The following PCDH15 variants were observed in gnomAD, a reference collection of about 807,000 sequenced individuals.
PCDH15 encodes protocadherin related 15.
Under a neutral mutation model 178.5 loss-of-function variants are expected in PCDH15, and 129 were observed. The observed-to-expected ratio is 0.72, with a 90% CI of 0.63 to 0.84. The LOEUF (loss-of-function observed/expected upper bound fraction) is 0.84. Among genes scored for constraint, PCDH15 ranks in the 40% least tolerant of loss-of-function variants. The pLI is 0.00. For missense variants in PCDH15, 2,230 were observed against 2,099.9 expected, an observed-to-expected ratio of 1.06 and a Z score of -1.21; for synonymous variants, 800 against 732.0, an observed-to-expected ratio of 1.09 and a Z score of -1.50.
intron 18 of PCDH15, among the ~76,000 whole-genome samples, chr10:54,046,930 C>A (rs1335668202): frequency 6.6e-6 from 1 of 151,824 alleles, no homozygotes; most frequent in East Asian, 1.9e-4. Flanking sequence ...ATAAAGTCCA[C>A]GTAAGTAATT....
intron 2 of PCDH15, among the ~76,000 whole-genome samples, chr10:54,954,611 C>T (rs1838434003): frequency 6.6e-6 from 1 of 151,182 alleles, no homozygotes; most frequent in Non-Finnish European, 1.5e-5. Flanking sequence ...GTCTGATTTA[C>T]AAGTCAATGT....
intron 2 of PCDH15, among the ~76,000 whole-genome samples, chr10:55,358,132 A>C (rs1845125874): frequency 6.6e-6 from 1 of 152,106 alleles, no homozygotes; most frequent in Non-Finnish European, 1.5e-5. Context: ...TGTAAATTAT[A>C]AGTTACGCAT....
At chr10:54,496,859 C>A (rs962329591) in intron 3 of PCDH15, among the ~76,000 whole-genome samples, 3 of 152,128 alleles carry the variant, frequency 2.0e-5, no homozygotes, top group African/African-American at 7.2e-5. Context: ...AGCTTACGAC[C>A]ACCCTTGTTG....
chr10:55,406,478 T>C (rs978368900), intron 2 of PCDH15, among the ~76,000 whole-genome samples: 5 of 152,040 alleles, frequency 3.3e-5, no homozygotes, highest in African/African-American at 1.2e-4. Flanking sequence ...TAGTTACATA[T>C]GAGAGACAAA....
At chr10:55,043,941 A>G (rs142167478) in intron 2 of PCDH15, among the ~76,000 whole-genome samples, 1 of 152,094 alleles carries the variant, frequency 6.6e-6, no homozygotes, top group Non-Finnish European at 1.5e-5. Context: ...CAAAGATTGA[A>G]CGGTAAAAAG....
At chr10:54,059,473 T>C (rs996059797) in intron 18 of PCDH15, among the ~76,000 whole-genome samples, 2 of 152,180 alleles carry the variant, frequency 1.3e-5, no homozygotes, top group African/African-American at 4.8e-5. Flanking sequence ...CTCTAACACA[T>C]AATATTTCTT....
chr10:54,512,359 T>TTGTGTGTGTGTGTG (rs200575121), intron 3 of PCDH15, among the ~76,000 whole-genome samples: 1,915 of 134,100 alleles, frequency 0.014, 39 homozygotes, highest in Middle Eastern at 0.049. Flanking sequence ...ATTTCTGGCA[T>TTGTGTGTGTGTGTG]TGTGTGTGTG....
chr10:55,010,948 G>C (rs1489578489), intron 2 of PCDH15, among the ~76,000 whole-genome samples: 3 of 151,860 alleles, frequency 2.0e-5, no homozygotes, highest in Admixed American at 1.3e-4. Context: ...TAAAACAAAA[G>C]CCAGAAATAC....
intron 1 of PCDH15, among the ~76,000 whole-genome samples, chr10:55,314,444 C>G (rs922301813): frequency 6.6e-6 from 1 of 151,860 alleles, no homozygotes; most frequent in Non-Finnish European, 1.5e-5. Flanking sequence ...AACCCTGGCT[C>G]TCATCATAAT....
intron 2 of PCDH15, among the ~76,000 whole-genome samples, chr10:54,916,529 T>C (rs1465167356): frequency 6.6e-6 from 1 of 152,196 alleles, no homozygotes; most frequent in Non-Finnish European, 1.5e-5. Context: ...TGGGGTGATT[T>C]GTTTAAAACA....
intron 3 of PCDH15, among the ~76,000 whole-genome samples, chr10:54,396,157 G>A (rs184690353): frequency 5.3e-5 from 8 of 152,248 alleles, no homozygotes; most frequent in East Asian, 1.9e-4. Flanking sequence ...AGACTGTTAT[G>A]GGCCTGGAGA....
At chr10:55,323,631 G>A (rs1345021523), upstream of PCDH15, among the ~76,000 whole-genome samples, 4 of 152,076 alleles carry the variant, frequency 2.6e-5, no homozygotes, top group Admixed American at 6.5e-5. Flanking sequence ...CCTTTGTTTA[G>A]GCCAATTTCT....
intron 27 of PCDH15, among the ~76,000 whole-genome samples, chr10:53,862,399 G>T (rs189404885): frequency 1.3e-5 from 2 of 152,058 alleles, no homozygotes; most frequent in East Asian, 3.9e-4. Context: ...TTAACATCCT[G>T]CATTGGCCAC....
At chr10:54,060,878 A>G (rs4615929) in intron 18 of PCDH15, among the ~76,000 whole-genome samples, 93,775 of 151,860 alleles carry the variant, frequency 0.62, 29,283 homozygotes, top group Middle Eastern at 0.77. Context: ...GAAGTCCGGG[A>G]TCCCTGTGTG....
At chr10:54,327,556 T>C (rs1178017838) in intron 7 of PCDH15, among the ~76,000 whole-genome samples, 10 of 151,902 alleles carry the variant, frequency 6.6e-5, no homozygotes, top group African/African-American at 2.2e-4. Flanking sequence ...CATATTTCTA[T>C]CTACATATCC....
intron 2 of PCDH15, among the ~76,000 whole-genome samples, chr10:55,426,177 T>C (rs949580317): frequency 6.6e-6 from 1 of 152,200 alleles, no homozygotes; most frequent in Non-Finnish European, 1.5e-5. Flanking sequence ...AGTACATGTT[T>C]ATACTTAGTT....
chr10:55,005,251 T>TGTATTTTTAA (rs1564708167), intron 2 of PCDH15, among the ~76,000 whole-genome samples: 1 of 86,470 alleles, frequency 1.2e-5, no homozygotes, highest in Admixed American at 1.2e-4. Context: ...TTGGTAGAAT[T>TGTATTTTTAA]GTATTTTTAT....
intron 10 of PCDH15, among the ~76,000 whole-genome samples, chr10:54,208,309 A>C (rs1400601396): frequency 2.0e-5 from 3 of 152,042 alleles, no homozygotes; most frequent in African/African-American, 7.2e-5. Flanking sequence ...AGATAAACTT[A>C]TTATATTATT....
intron 2 of PCDH15, among the ~76,000 whole-genome samples, chr10:54,600,992 AAC>A (rs1236234459): frequency 8.5e-5 from 13 of 152,120 alleles, no homozygotes; most frequent in Non-Finnish European, 1.5e-4. Flanking sequence ...CAATAAATGA[AAC>A]ACAGAACTCT....
Sources: allele counts gnomAD v4.1 joint callset (sites outside exome capture counted in the v4.1 genomes callset), GRCh38; gene constraint gnomAD v4.1.1; transcripts MANE v1.5; gene names NCBI Gene and HGNC (gene_info 2026-07-23, HGNC 2026-07-21).